The following AUTS2 variants were observed in gnomAD, a reference collection of about 807,000 sequenced individuals.
The protein encoded by AUTS2 is autism susceptibility gene 2 protein.
Under a neutral mutation model 112.4 loss-of-function variants are expected in AUTS2, and 17 were observed. The ratio of observed to expected loss-of-function variants is 0.15; its 90% CI spans 0.10 to 0.23. AUTS2 has a LOEUF of 0.23. AUTS2 is among the 10% of genes least tolerant of loss of function. The pLI, the probability that AUTS2 is intolerant of heterozygous loss-of-function variation, is 1.00. For missense variants in AUTS2, 1,510 were observed against 1,701.6 expected (o/e 0.89, Z 1.98); for synonymous variants, 751 against 702.7 (o/e 1.07, Z -1.09).
chr7:69,861,563 G>A (rs1026711359), intron 1 of AUTS2, among the ~76,000 whole-genome samples: 2 of 152,162 alleles, frequency 1.3e-5, no homozygotes, highest in Non-Finnish European at 2.9e-5. Context: ...AAGGCTTGCA[G>A]GTTGAGGTTA....
At chr7:70,025,716 A>C (rs1800488826) in intron 2 of AUTS2, among the ~76,000 whole-genome samples, 1 of 151,358 alleles carries the variant, frequency 6.6e-6, no homozygotes, top group African/African-American at 2.4e-5. Flanking sequence ...TTGGCCTCCC[A>C]AAGTGCTGGG....
At chr7:70,588,415 C>T (rs894002824) in intron 5 of AUTS2, among the ~76,000 whole-genome samples, 1 of 151,998 alleles carries the variant, frequency 6.6e-6, no homozygotes, top group Non-Finnish European at 1.5e-5. Flanking sequence ...CAGAGGGGGA[C>T]GACGGGGAAG....
intron 1 of AUTS2, among the ~76,000 whole-genome samples, chr7:69,670,555 C>CAAAAAAAAAAAAAAAAA (rs200373158): frequency 8.4e-6 from 1 of 119,070 alleles, no homozygotes; most frequent in African/African-American, 3.3e-5. Context: ...CTTGATCCCT[C>CAAAAAAAAAAAAAAAAA]AAAAAAAAAA....
At chr7:70,189,839 G>A (rs1364510917) in intron 4 of AUTS2, among the ~76,000 whole-genome samples, 1 of 152,200 alleles carries the variant, frequency 6.6e-6, no homozygotes, top group East Asian at 1.9e-4. Flanking sequence ...CAGCTACATT[G>A]ACTATCGTTA....
Position 70,110,903 on chromosome 7 carries a change from C to T in AUTS2, c.523-7229C>T, listed in dbSNP as rs192045759. Among the ~76,000 whole-genome samples, 6 of 143,630 alleles carry T rather than the reference C, an allele frequency of 4.2e-5. No individual in the cohort carries two copies. In the East Asian group the frequency reaches 1.0e-3, roughly 24 times the overall value. 94.2% of individuals were successfully genotyped at this position (143,630 alleles called of 152,430 possible). On this transcript the variant is annotated intron_variant, in intron 2 of 18. Transcript: ENST00000342771. ...TTTTTTTGAGAGTCTCGCTCTGTCG[C>T]CCCAGTCGCCCAGGCTGGAGCGCAG...
intron 5 of AUTS2, among the ~76,000 whole-genome samples, chr7:70,665,041 C>G (rs936407663): frequency 2.6e-5 from 4 of 152,040 alleles, no homozygotes; most frequent in African/African-American, 4.8e-5. Flanking sequence ...CCACTGCACT[C>G]CAGCCTGAGC....
At chr7:69,795,315 C>T (rs1373009591) in intron 1 of AUTS2, among the ~76,000 whole-genome samples, 2 of 152,076 alleles carry the variant, frequency 1.3e-5, no homozygotes, top group Non-Finnish European at 2.9e-5. Context: ...GCCTTGATTC[C>T]ATGTTTTAGG....
intron 5 of AUTS2, among the ~76,000 whole-genome samples, chr7:70,613,241 C>G (rs200106536): frequency 2.7e-5 from 4 of 147,628 alleles, no homozygotes; most frequent in South Asian, 2.2e-4. Context: ...GTGTGTGTGT[C>G]TGTGTGTGTG....
At chr7:70,122,650 G>T (rs998829507) in intron 3 of AUTS2, among the ~76,000 whole-genome samples, 1 of 152,010 alleles carries the variant, frequency 6.6e-6, no homozygotes. Context: ...AAAAAAATTT[G>T]TGGGCATATA....
intron 4 of AUTS2, among the ~76,000 whole-genome samples, chr7:70,277,267 G>A (rs28617759): frequency 0.085 from 12,993 of 152,170 alleles, 750 homozygotes; most frequent in African/African-American, 0.16. Flanking sequence ...AGAGCCTCTT[G>A]AGCATTTCTC....
chr7:69,644,214 C>T (rs1004255663), intron 1 of AUTS2, among the ~76,000 whole-genome samples: 4 of 152,156 alleles, frequency 2.6e-5, no homozygotes, highest in African/African-American at 7.2e-5. Context: ...CAAAGGTTGC[C>T]AGATAGCAGG....
intron 4 of AUTS2, among the ~76,000 whole-genome samples, chr7:70,256,018 A>T (rs1251989515): frequency 6.6e-6 from 1 of 152,134 alleles, no homozygotes; most frequent in African/African-American, 2.4e-5. Flanking sequence ...TTCCCTGAAC[A>T]CCAGGGCTGC....
chr7:70,748,770 T>G (rs1788622119), intron 6 of AUTS2, among the ~76,000 whole-genome samples: 1 of 152,210 alleles, frequency 6.6e-6, no homozygotes, highest in African/African-American at 2.4e-5. Context: ...TCATGGGTGT[T>G]CAGCATTCTC....
At chr7:70,277,884 C>A (rs907381287) in intron 4 of AUTS2, among the ~76,000 whole-genome samples, 1 of 151,278 alleles carries the variant, frequency 6.6e-6, no homozygotes, top group Non-Finnish European at 1.5e-5. Flanking sequence ...GAATATGTTA[C>A]CCATTTTAGT....
chr7:70,018,542 A>G (rs1423909757), intron 2 of AUTS2, among the ~76,000 whole-genome samples: 4 of 152,090 alleles, frequency 2.6e-5, no homozygotes, highest in Non-Finnish European at 4.4e-5. Flanking sequence ...CCTGTTTAAC[A>G]CTCTTCTCTA....
intron 5 of AUTS2, among the ~76,000 whole-genome samples, chr7:70,607,835 T>C (rs1368154799): frequency 6.6e-6 from 1 of 152,248 alleles, no homozygotes; most frequent in East Asian, 1.9e-4. Context: ...GAAGTAAAAT[T>C]GTAGAAGGTC....
rs150181687 is a variant in AUTS2 at position 70,105,385 on chromosome 7, G to T, written c.523-12747G>T. Among the ~76,000 whole-genome samples the T allele has an allele frequency of 2.9e-3, 442 of 152,232 alleles. 4 individuals carry two copies. Among genetic ancestry groups the T allele is most frequent in the African/African-American group, 0.01 (428 of 41,526 alleles). ...GGCAATCCTCGTGCCTCAGTCTCCT[G>T]AGTAACTGGGACTACAGGCATATGC... On this transcript the variant is annotated intron_variant, in intron 2 of 18. Coordinates refer to ENST00000342771, the MANE Select transcript of AUTS2 (RefSeq NM_015570.4).
intron 5 of AUTS2, among the ~76,000 whole-genome samples, chr7:70,557,147 T>C (rs1230613998): frequency 3.3e-5 from 5 of 151,002 alleles, no homozygotes; most frequent in Non-Finnish European, 7.4e-5. Flanking sequence ...TGCATATACC[T>C]CATTCTAGTC....
chr7:70,584,453 T>C (rs1802593743), intron 5 of AUTS2, among the ~76,000 whole-genome samples: 1 of 152,200 alleles, frequency 6.6e-6, no homozygotes, highest in Non-Finnish European at 1.5e-5. Flanking sequence ...AGCTTGGGAT[T>C]TATAAGTTCT....
Sources: allele counts gnomAD v4.1 joint callset (sites outside exome capture counted in the v4.1 genomes callset), GRCh38; gene constraint gnomAD v4.1.1; transcripts MANE v1.5; gene names NCBI Gene and HGNC (gene_info 2026-07-23, HGNC 2026-07-21).